Variants in MAEA observed in about 807,000 individuals in gnomAD.
MAEA encodes E3 ubiquitin-protein transferase MAEA.
MAEA carries 22 observed loss-of-function variants against 46.2 expected under a neutral mutation model. That is an observed-to-expected ratio of 0.48 (90% CI 0.34 to 0.68). The LOEUF is 0.68. MAEA is among the 30% of genes least tolerant of loss of function. The pLI is 0.01. For synonymous variants in MAEA, 246 were observed against 222.6 expected, an observed-to-expected ratio of 1.11 and a Z score of -0.94; for missense variants, 393 against 558.1, an observed-to-expected ratio of 0.70 and a Z score of 2.98.
rs144505260 is a variant in MAEA at position 1,317,792 on chromosome 4, C to T, written c.456+2192C>T. On this transcript the variant is annotated intron_variant, in intron 3 of 8. Coordinates refer to ENST00000303400, the MANE Select transcript of MAEA (RefSeq NM_001017405.3). ...AAGTGCACTGATCCTCTGCGGTGACCGGGGCTGGTGCCCCTGGGTGCCCTG... is the reference window on the plus strand; with the variant it reads ...AAGTGCACTGATCCTCTGCGGTGACTGGGGCTGGTGCCCCTGGGTGCCCTG... Among the ~76,000 whole-genome samples, 344 of 152,322 alleles carry T rather than the reference C, an allele frequency of 2.3e-3. 1 individual carries two copies. Among genetic ancestry groups the T allele is most frequent in the Middle Eastern group, 0.017 (5 of 294 alleles).
chr4:1,309,974 T>A, intron 1 of MAEA: 1 of 1,246,016 alleles, frequency 8.0e-7, no homozygotes, highest in Non-Finnish European at 1.0e-6. Context: ...TTTCCTTTTC[T>A]GGTGGCGGTC....
intron 1 of MAEA, among the ~76,000 whole-genome samples, chr4:1,292,949 G>A (rs1179088058): frequency 2.7e-5 from 4 of 149,048 alleles, no homozygotes; most frequent in Non-Finnish European, 5.9e-5. Context: ...GCTGGAGCGC[G>A]GTGGCACAAT....
At chr4:1,329,119 AC>A in intron 5 of MAEA, 1 of 985,280 alleles carries the variant, frequency 1.0e-6, no homozygotes, top group Non-Finnish European at 1.2e-6. Flanking sequence ...TGAAAACAAA[AC>A]GTGTCCATCC....
chr4:1,314,405 A>G (rs541907492), intron 2 of MAEA, among the ~76,000 whole-genome samples: 2 of 152,256 alleles, frequency 1.3e-5, no homozygotes, highest in East Asian at 3.9e-4. Context: ...AAAACTCAAC[A>G]TTTGCCTATA....
intron 1 of MAEA, among the ~76,000 whole-genome samples, chr4:1,293,566 G>T (rs1278665005): frequency 6.6e-6 from 1 of 152,172 alleles, no homozygotes; most frequent in Non-Finnish European, 1.5e-5. Flanking sequence ...GCGGGAAGTG[G>T]TGTTCATCAC....
In MAEA at chr4:1,289,970, C is replaced by G. The variant is rs760116228; in HGVS notation, c.57C>G (p.Tyr19Ter). 1 of 1,594,904 alleles carries G rather than the reference C, an allele frequency of 6.3e-7. No individual in the cohort carries two copies. Among genetic ancestry groups the G allele is most frequent in the South Asian group, 1.1e-5 (1 of 88,288 alleles). The stretch of plus-strand genomic sequence containing the variant: ...CCATGACCCTGAAGGTCCAGGAGTA[C>G]CCGACCCTCAAGGTGGGCGCCTGCG... ...QLSMTLKVQEYPTLKVPYETL... is the reference protein window; with the variant it reads ...QLSMTLKVQE The change falls in exon 1 of 9, where the codon TAC (tyrosine) becomes TAG (stop). Residue 19 changes from tyrosine to a stop codon, truncating the protein, a stop_gained. Transcript: ENST00000303400. LOFTEE classifies it high-confidence loss of function.
At position 1,322,946 on chromosome 4, in the gene MAEA, T is replaced by C. The variant is rs1286169120; in HGVS notation, c.579+443T>C. 1.8e-3 allele frequency among the ~76,000 whole-genome samples: 180 copies of C among 102,808 alleles called. 23 individuals carry two copies. The highest frequency in any genetic ancestry group is 3.8e-3 in the South Asian group (11 of 2,880). 67.4% of individuals were successfully genotyped at this position (102,808 alleles called of 152,430 possible). A position where few individuals can be genotyped will look rare whatever the true frequency, so the allele number is the denominator to read the frequency against. The stretch of plus-strand genomic sequence containing the variant: ...TGATATTGTTAATGAATACCCACTT[T>C]TTTTTTTTTTTTTTTTTTTTTTTTT... On this transcript the variant is annotated intron_variant, in intron 4 of 8. Transcript: ENST00000303400.
At chr4:1,297,272 A>T (rs147503876) in intron 1 of MAEA, among the ~76,000 whole-genome samples, 1 of 152,160 alleles carries the variant, frequency 6.6e-6, no homozygotes, top group Admixed American at 6.5e-5. Context: ...TGAGTCCACG[A>T]TGGCTGCTGG....
chr4:1,329,756 T>C (rs1739304114), intron 5 of MAEA: 2 of 985,258 alleles, frequency 2.0e-6, no homozygotes, highest in Middle Eastern at 5.2e-4. Flanking sequence ...GTGCGGGTGT[T>C]TGGCTGGGAG....
intron 5 of MAEA, 105 bp from the exon 6 acceptor site, chr4:1,332,652 T>C (rs1448991991): frequency 1.5e-5 from 12 of 789,228 alleles, no homozygotes; most frequent in African/African-American, 1.0e-4. Flanking sequence ...TACAGTGAGC[T>C]GTGACTGTGC....
At position 1,339,430 on chromosome 4, in the gene MAEA, C is replaced by T; in HGVS notation, c.*261C>T. Reference sequence around the variant, plus strand: ...AAGTACTTTCAACTTGCGAAGGAAACTCTTCTTTAAAGACTGACCTAAACA... The same window carrying T: ...AAGTACTTTCAACTTGCGAAGGAAATTCTTCTTTAAAGACTGACCTAAACA... On this transcript the variant is annotated 3_prime_UTR_variant, in exon 9 of 9. Transcript: ENST00000303400. 2.0e-6 allele frequency: 1 copy of T among 511,120 alleles called. No homozygotes were observed. Among genetic ancestry groups the T allele is most frequent in the Non-Finnish European group, 3.5e-6 (1 of 286,960 alleles). 31.7% of individuals were successfully genotyped at this position (511,120 alleles called of 1,614,324 possible). A position where few individuals can be genotyped will look rare whatever the true frequency, so the allele number is the denominator to read the frequency against.
Position 1,339,457 on chromosome 4 carries a change from C to G in MAEA, c.*288C>G. The G allele has an allele frequency of 2.3e-6, 1 of 426,382 alleles. No individual in the cohort carries two copies. The highest frequency in any genetic ancestry group is 4.2e-6 in the Non-Finnish European group (1 of 236,572). 26.4% of individuals were successfully genotyped at this position (426,382 alleles called of 1,614,324 possible). A position where few individuals can be genotyped will look rare whatever the true frequency, so the allele number is the denominator to read the frequency against. On this transcript the variant is annotated 3_prime_UTR_variant, in exon 9 of 9. Transcript: ENST00000303400. ...CTTCTTTAAAGACTGACCTAAACAC[C>G]GAGGGAAACTTAAGAACGTTTAAAA...
At chr4:1,300,280 C>T (rs555142397) in intron 1 of MAEA, among the ~76,000 whole-genome samples, 339 of 152,260 alleles carry the variant, frequency 2.2e-3, no homozygotes, top group African/African-American at 7.8e-3. Context: ...GCATGAAAAC[C>T]GTAATGATAT....
chr4:1,328,799 G>A (rs2108986068), intron 5 of MAEA: 1 of 1,088,076 alleles, frequency 9.2e-7, no homozygotes, highest in South Asian at 2.2e-5. Flanking sequence ...TCCTGATGCT[G>A]ACCTGGGCGC....
rs953728713 is a variant in MAEA, at chr4:1,328,894, G to A, written c.656+1191G>A. 2.4e-5 allele frequency: 24 copies of A among 1,015,708 alleles called. No individual in the cohort carries two copies. The East Asian group carries it at 5.1e-4, about 21-fold the overall frequency. 62.9% of individuals were successfully genotyped at this position (1,015,708 alleles called of 1,614,324 possible). A position where few individuals can be genotyped will look rare whatever the true frequency, so the allele number is the denominator to read the frequency against. ...CTTCTGTGCCTGAGAGGGCTAAAGC[G>A]GGGATCTCGGGACCCGGGCCAGTGG... On this transcript the variant is annotated intron_variant, in intron 5 of 8. Coordinates refer to ENST00000303400, the MANE Select transcript of MAEA (RefSeq NM_001017405.3).
intron 2 of MAEA, chr4:1,312,687 C>T (rs1736668222): frequency 6.3e-6 from 1 of 158,840 alleles, no homozygotes; most frequent in Non-Finnish European, 1.4e-5. Flanking sequence ...GCCTTGGCCT[C>T]CCAAAGCTGA....
At chr4:1,302,830 A>G (rs959867006) in intron 1 of MAEA, among the ~76,000 whole-genome samples, 11 of 152,204 alleles carry the variant, frequency 7.2e-5, no homozygotes, top group Admixed American at 6.5e-4. Flanking sequence ...TTCTGCAAAG[A>G]TATACAAATG....
intron 5 of MAEA, 58 bp from the exon 6 acceptor site, chr4:1,332,699 G>A (rs890787620): frequency 3.7e-6 from 5 of 1,368,454 alleles, no homozygotes; most frequent in Non-Finnish European, 5.1e-6. Flanking sequence ...GTGAAACCCT[G>A]TCTCTAAAAG....
intron 1 of MAEA, chr4:1,310,031 C>G (rs570781372): frequency 1.2e-5 from 14 of 1,165,826 alleles, no homozygotes; most frequent in Non-Finnish European, 1.5e-5. Context: ...TCCGCGCGAG[C>G]GAGGGTGGTT....
Sources: allele counts gnomAD v4.1 joint callset (sites outside exome capture counted in the v4.1 genomes callset), GRCh38; gene constraint gnomAD v4.1.1; transcripts MANE v1.5; gene names NCBI Gene and HGNC (gene_info 2026-07-23, HGNC 2026-07-21).